Variants in C12orf54 observed in about 807,000 individuals in gnomAD.
C12orf54 encodes uncharacterized protein C12orf54.
Under a neutral mutation model 26.4 loss-of-function variants are expected in C12orf54, and 24 were observed. The ratio of observed to expected loss-of-function variants is 0.91; its 90% CI spans 0.66 to 1.28. The LOEUF (loss-of-function observed/expected upper bound fraction) is 1.28. Among genes scored for constraint, C12orf54 ranks in the 50% most tolerant of loss-of-function variants. The probability of loss-of-function intolerance (pLI) is 0.00; values close to 1 mark genes in which losing one functional copy is unlikely to be tolerated. For synonymous variants in C12orf54, 54 were observed against 47.0 expected (o/e 1.15, Z -0.61); for missense variants, 154 against 150.9 (o/e 1.02, Z -0.11).
chr12:48,490,061 G>C (rs1422207924), intron 5 of C12orf54, among the ~76,000 whole-genome samples: 1 of 152,112 alleles, frequency 6.6e-6, no homozygotes, highest in East Asian at 1.9e-4. Context: ...CGTACTTAAA[G>C]CTTCTCTGCA....
the C12orf54 span, among the ~76,000 whole-genome samples, chr12:48,447,242 G>GTGTGTGTA: frequency 5.9e-5 from 9 of 152,070 alleles, no homozygotes; most frequent in East Asian, 1.7e-3. Flanking sequence ...GTGTGTGTGT[G>GTGTGTGTA]TGTGTGTGTC....
the C12orf54 span, among the ~76,000 whole-genome samples, chr12:48,444,898 C>T: frequency 3.3e-5 from 5 of 152,140 alleles, no homozygotes; most frequent in Admixed American, 2.0e-4. Context: ...AATGGCCGGG[C>T]GCAGTGGCTC....
the C12orf54 span, among the ~76,000 whole-genome samples, chr12:48,450,070 T>C: frequency 6.6e-6 from 1 of 152,218 alleles, no homozygotes; most frequent in Non-Finnish European, 1.5e-5. Context: ...CCTCTTTTTC[T>C]TCCCCGTTTT....
chr12:48,418,642 A>G, the C12orf54 span, among the ~76,000 whole-genome samples: 2 of 152,218 alleles, frequency 1.3e-5, no homozygotes, highest in Middle Eastern at 3.2e-3. Context: ...ATTAATTAGA[A>G]AAGATGTGGC....
the C12orf54 span, among the ~76,000 whole-genome samples, chr12:48,453,708 C>T: frequency 1.4e-5 from 2 of 147,562 alleles, no homozygotes; most frequent in Non-Finnish European, 3.0e-5. Flanking sequence ...CCTAAGGTAT[C>T]TTTTAAAGAA....
chr12:48,462,911 A>G, the C12orf54 span, among the ~76,000 whole-genome samples: 1 of 151,866 alleles, frequency 6.6e-6, no homozygotes, highest in Admixed American at 6.6e-5. Flanking sequence ...TTAGGACAAT[A>G]AAAGAGACAA....
chr12:48,479,326 C>G (rs61940773), upstream of C12orf54, among the ~76,000 whole-genome samples: 19,165 of 152,024 alleles, frequency 0.13, 1,609 homozygotes, highest in Non-Finnish European at 0.2. Flanking sequence ...AACACATGGA[C>G]ACAGGAAGGG....
the C12orf54 span, among the ~76,000 whole-genome samples, chr12:48,449,832 C>T: frequency 6.7e-6 from 1 of 149,578 alleles, no homozygotes; most frequent in Non-Finnish European, 1.5e-5. Context: ...ATGTCCCCAC[C>T]CAAATCTCAA....
the C12orf54 span, among the ~76,000 whole-genome samples, chr12:48,429,102 G>A: frequency 2.6e-5 from 4 of 151,938 alleles, no homozygotes; most frequent in African/African-American, 7.3e-5. Flanking sequence ...AAAAGCATTC[G>A]ACAAAAATCC....
chr12:48,452,686 G>A, the C12orf54 span, among the ~76,000 whole-genome samples: 2 of 151,950 alleles, frequency 1.3e-5, no homozygotes, highest in African/African-American at 4.8e-5. Flanking sequence ...TTAAAAAGTG[G>A]GCAAAAGACA....
chr12:48,468,324 G>A, the C12orf54 span, among the ~76,000 whole-genome samples: 1 of 152,136 alleles, frequency 6.6e-6, no homozygotes. Context: ...GGAGGGAAAG[G>A]AAGCTAGTGT....
At chr12:48,473,168 T>C in the C12orf54 span, 1 of 1,507,498 alleles carries the variant, frequency 6.6e-7, no homozygotes, top group African/African-American at 1.4e-5. Flanking sequence ...AGTGCCTGGA[T>C]GACAAGGAGG....
At chr12:48,484,904 G>A (rs1258402387) in intron 2 of C12orf54, among the ~76,000 whole-genome samples, 1 of 152,080 alleles carries the variant, frequency 6.6e-6, no homozygotes, top group Non-Finnish European at 1.5e-5. Flanking sequence ...TAGGGGCATG[G>A]TTTGGATTTG....
At chr12:48,416,487 A>G in the C12orf54 span, among the ~76,000 whole-genome samples, 1 of 152,118 alleles carries the variant, frequency 6.6e-6, no homozygotes, top group Admixed American at 6.6e-5. Flanking sequence ...CTCAAACAAC[A>G]CCTACCCCTC....
At chr12:48,421,891 G>A in the C12orf54 span, among the ~76,000 whole-genome samples, 127 of 152,226 alleles carry the variant, frequency 8.3e-4, no homozygotes, top group African/African-American at 3.1e-3. Flanking sequence ...TGAAACCACT[G>A]TATGAACACT....
the C12orf54 span, among the ~76,000 whole-genome samples, chr12:48,415,980 A>G: frequency 6.6e-6 from 1 of 152,172 alleles, no homozygotes; most frequent in African/African-American, 2.4e-5. Context: ...TCAGTTGCCC[A>G]AGAGAAAATC....
intron 6 of C12orf54, among the ~76,000 whole-genome samples, chr12:48,492,075 G>A (rs977093922): frequency 1.3e-5 from 2 of 152,190 alleles, no homozygotes; most frequent in Non-Finnish European, 2.9e-5. Context: ...TGGAAGGGGT[G>A]AGGAGCCTTC....
the C12orf54 span, among the ~76,000 whole-genome samples, chr12:48,470,271 C>T: frequency 6.6e-6 from 1 of 152,202 alleles, no homozygotes; most frequent in African/African-American, 2.4e-5. Context: ...AATCTCCAAA[C>T]TGCTTTCCAC....
chr12:48,426,476 G>C, the C12orf54 span, among the ~76,000 whole-genome samples: 1 of 152,044 alleles, frequency 6.6e-6, no homozygotes, highest in African/African-American at 2.4e-5. Context: ...ATGTTGTATT[G>C]GTTACTGTAG....
Sources: allele counts gnomAD v4.1 joint callset (sites outside exome capture counted in the v4.1 genomes callset), GRCh38; gene constraint gnomAD v4.1.1; transcripts MANE v1.5; gene names NCBI Gene and HGNC (gene_info 2026-07-23, HGNC 2026-07-21).